The following TP53BP2 variants were observed in gnomAD, a reference collection of about 807,000 sequenced individuals.
TP53BP2 encodes the protein tumor protein p53 binding protein 2.
A neutral mutation model predicts 126.2 loss-of-function variants in TP53BP2; 62 were observed. The observed-to-expected ratio is 0.49, with a 90% CI of 0.40 to 0.61. The LOEUF (loss-of-function observed/expected upper bound fraction) is 0.61. Ranked by LOEUF, TP53BP2 falls within the 20% of genes least tolerant of loss-of-function variation. The pLI is 0.00. For missense variants in TP53BP2, 1,215 were observed against 1,402.8 expected (o/e 0.87, Z 2.14); for synonymous variants, 485 against 502.9 (o/e 0.96, Z 0.48).
chr1:223,815,620 T>C (rs936842529), intron 2 of TP53BP2, among the ~76,000 whole-genome samples: 1 of 152,240 alleles, frequency 6.6e-6, no homozygotes, highest in African/African-American at 2.4e-5. Context: ...AACATCCCGA[T>C]GGCCCTGTGA....
intron 2 of TP53BP2, among the ~76,000 whole-genome samples, chr1:223,818,636 G>A (rs1390103953): frequency 6.6e-6 from 1 of 150,540 alleles, no homozygotes; most frequent in Non-Finnish European, 1.5e-5. Flanking sequence ...GTGGAGTTGT[G>A]CGATCTCAGC....
At position 223,821,339 on chromosome 1, in the gene TP53BP2, T is replaced by C. The variant is rs1663300448; in HGVS notation, c.56A>G (p.Asn19Ser). ...TGGAACTTCTGTGAAGTGCTGCTCATTGTTACTGAGATACACGGTAAGAAA... is the reference window on the plus strand; with the variant it reads ...TGGAACTTCTGTGAAGTGCTGCTCACTGTTACTGAGATACACGGTAAGAAA... ...PMFLTVYLSN[N>S]EQHFTEVPVT... The change falls in exon 2 of 18, where the codon AAT (asparagine) becomes AGT (serine). Residue 19 changes from asparagine (N) to serine (S), a missense_variant. Transcript: ENST00000343537. The C allele has an allele frequency of 6.2e-7, 1 of 1,614,064 alleles. No homozygotes were observed. The highest frequency in any genetic ancestry group is 8.5e-7 in the Non-Finnish European group (1 of 1,179,894).
chr1:223,786,639 C>T (rs1355820350), intron 16 of TP53BP2, among the ~76,000 whole-genome samples: 3 of 150,856 alleles, frequency 2.0e-5, no homozygotes, highest in African/African-American at 4.9e-5. Context: ...TGGAGTCTCG[C>T]TCTGTTGCCC....
At chr1:223,824,700 A>T (rs1269927385) in intron 1 of TP53BP2, among the ~76,000 whole-genome samples, 1 of 152,104 alleles carries the variant, frequency 6.6e-6, no homozygotes, top group Non-Finnish European at 1.5e-5. Context: ...CCTAAGAGCT[A>T]CTATTTAGTA....
intron 5 of TP53BP2, among the ~76,000 whole-genome samples, 162 bp from the exon 6 acceptor site, chr1:223,804,510 A>T (rs1662648715): frequency 6.6e-6 from 1 of 152,174 alleles, no homozygotes; most frequent in Admixed American, 6.5e-5. Flanking sequence ...TCACACTGGA[A>T]GTCTGTTCAA....
chr1:223,789,119 C>T lies in TP53BP2; in HGVS notation c.3052G>A (p.Val1018Met). ...GCAAACACAGCGGCTCCTGACTCCACCAAAAACTTACACACTTGGACGTTG... is the reference window on the plus strand; with the variant it reads ...GCAAACACAGCGGCTCCTGACTCCATCAAAAACTTACACACTTGGACGTTG... ...CNNVQVCKFL[V>M]ESGAAVFAMT... Residue 1018 changes from valine (V) to methionine (M), a missense_variant, in exon 16 of 18, where the codon GTG becomes ATG. Physicochemically the swap from Val to Met is conservative, Grantham distance 21. Around this residue, in one of 4 missense-constraint regions of TP53BP2, gnomAD observed 151 missense variants for 231.2 expected, o/e 0.65. Transcript: ENST00000343537. 1.2e-6 allele frequency: 2 copies of T among 1,614,168 alleles called. No homozygotes were observed. The highest frequency in any genetic ancestry group is 1.7e-6 in the Non-Finnish European group (2 of 1,180,024).
chr1:223,807,811 G>A (rs538186110), intron 4 of TP53BP2, among the ~76,000 whole-genome samples: 55 of 152,166 alleles, frequency 3.6e-4, no homozygotes, highest in African/African-American at 1.3e-3. Context: ...TAAATGGAGA[G>A]TTACACCATG....
chr1:223,808,728 TA>T (rs78883797), intron 4 of TP53BP2, among the ~76,000 whole-genome samples: 2,454 of 130,442 alleles, frequency 0.019, 21 homozygotes, highest in Non-Finnish European at 0.025. Context: ...TATGCTCCAT[TA>T]AAAAAAAAAA....
rs199501862 is a variant in TP53BP2, at chr1:223,792,376, A to C, written c.2996+13T>G. 684 of 1,597,098 alleles carry C rather than the reference A, an allele frequency of 4.3e-4. 2 individuals carry two copies. The highest frequency in any genetic ancestry group is 5.7e-4 in the Non-Finnish European group (663 of 1,170,548). ...CAACTGAAGTTTGACTGGAGTTTAAAAGAAAATCTTACCATCCATCACTAT... is the reference window on the plus strand; with the variant it reads ...CAACTGAAGTTTGACTGGAGTTTAACAGAAAATCTTACCATCCATCACTAT... On this transcript the variant is annotated intron_variant, in intron 15 of 17. Coordinates refer to ENST00000343537, the MANE Select transcript of TP53BP2 (RefSeq NM_001031685.3).
Position 223,845,720 on chromosome 1 carries a change from G to A in TP53BP2, c.-40C>T, listed in dbSNP as rs773934285. 1.5e-5 allele frequency: 23 copies of A among 1,503,438 alleles called. No individual in the cohort carries two copies. The South Asian group carries it at 1.6e-4, about 11-fold the overall frequency. The allele number at this position is 1,503,438 out of a possible 1,614,324, so 93.1% of individuals were successfully genotyped here. On this transcript the variant is annotated 5_prime_UTR_variant, in exon 1 of 18. Coordinates refer to ENST00000343537, the MANE Select transcript of TP53BP2 (RefSeq NM_001031685.3). ...AGACTGCGGCCCCGGCCGAGCTGAGGTGCCCCGGAGGGTCGCGGATGCGGG... is the reference window on the plus strand; with the variant it reads ...AGACTGCGGCCCCGGCCGAGCTGAGATGCCCCGGAGGGTCGCGGATGCGGG...
chr1:223,825,279 T>C (rs1558106616), intron 1 of TP53BP2, among the ~76,000 whole-genome samples: 1 of 152,144 alleles, frequency 6.6e-6, no homozygotes, highest in Non-Finnish European at 1.5e-5. Flanking sequence ...TGTGATTGCA[T>C]TTTACAGATG....
At position 223,803,284 on chromosome 1, in the gene TP53BP2, T is replaced by C. The variant is rs367908768; in HGVS notation, c.818A>G (p.Tyr273Cys). The part of the protein sequence containing the change: ...QSAVAELDRL[Y>C]KELQLRNKLN... ...GCTACGGTCTACCTGCAGCTCCTTA[T>C]AGAGGCGATCAAGCTCAGCCACTGC... is the stretch of plus-strand genomic sequence containing the variant. Residue 273 changes from tyrosine (Y) to cysteine (C), a missense_variant, in exon 7 of 18, where the codon TAT becomes TGT. Around this residue, in one of 4 missense-constraint regions of TP53BP2, gnomAD observed 814 missense variants for 853.0 expected, o/e 0.95. Transcript: ENST00000343537. The C allele has an allele frequency of 1.6e-4, 253 of 1,611,810 alleles. No homozygotes were observed. The highest frequency in any genetic ancestry group is 2.0e-4 in the Non-Finnish European group (236 of 1,179,394).
intron 4 of TP53BP2, among the ~76,000 whole-genome samples, chr1:223,809,655 T>C (rs537202936): frequency 1.3e-5 from 2 of 151,300 alleles, no homozygotes; most frequent in Non-Finnish European, 3.0e-5. Context: ...TAGGAGAAAA[T>C]GGTACTTAAG....
chr1:223,792,539 G>A lies in TP53BP2; in HGVS notation c.2863-17C>T. On this transcript the variant is annotated splice_polypyrimidine_tract_variant and intron_variant, in intron 14 of 17. Transcript: ENST00000343537. ...GTCATCAACCTATATCAAGAAGAAG[G>A]GTGAGCATCACTCTAGTTTCTTGTC... 6.2e-7 allele frequency: 1 copy of A among 1,613,084 alleles called. No homozygotes were observed.
intron 7 of TP53BP2, 52 bp downstream of exon 7, chr1:223,803,217 ACT>A (rs1168727900): frequency 4.5e-6 from 7 of 1,539,890 alleles, no homozygotes; most frequent in Middle Eastern, 2.4e-4. Flanking sequence ...TATATGAGCA[ACT>A]CTGTTTCTGG....
At chr1:223,783,076 TC>T (rs1661827548) in intron 17 of TP53BP2, among the ~76,000 whole-genome samples, 1 of 152,198 alleles carries the variant, frequency 6.6e-6, no homozygotes, top group Admixed American at 6.5e-5. Context: ...AGGCAGTGGA[TC>T]ACTCACAGAC....
intron 1 of TP53BP2, among the ~76,000 whole-genome samples, chr1:223,836,260 A>G (rs1007617863): frequency 1.4e-4 from 21 of 152,244 alleles, no homozygotes; most frequent in African/African-American, 5.1e-4. Context: ...GCAATATGCA[A>G]GAGTGGAGAG....
At chr1:223,819,236 C>CA (rs2102871244) in intron 2 of TP53BP2, among the ~76,000 whole-genome samples, 1 of 151,226 alleles carries the variant, frequency 6.6e-6, no homozygotes, top group East Asian at 2.0e-4. Flanking sequence ...GTCATCATCA[C>CA]ATAGTAAAGG....
At chr1:223,788,342 T>C (rs1289920848) in intron 16 of TP53BP2, among the ~76,000 whole-genome samples, 1 of 152,178 alleles carries the variant, frequency 6.6e-6, no homozygotes, top group Non-Finnish European at 1.5e-5. Flanking sequence ...CTTCCCTCCT[T>C]CTTTAATTCC....
Sources: gnomAD v4.1 joint callset for allele counts (sites outside exome capture counted in the v4.1 genomes callset) on GRCh38, gnomAD v4.1.1 for gene constraint, gnomAD v4.1.1 regional missense constraint, MANE v1.5 for transcripts, NCBI Gene and HGNC (gene_info 2026-07-23, HGNC 2026-07-21) for gene names.